TMTC2: variants seen among roughly 807,000 people sequenced by gnomAD.
TMTC2 encodes protein O-mannosyl-transferase TMTC2.
Under a neutral mutation model 82.4 loss-of-function variants are expected in TMTC2, and 43 were observed. The ratio of observed to expected loss-of-function variants is 0.52; its 90% confidence interval spans 0.41 to 0.67. The LOEUF is 0.67. TMTC2 is among the 30% of genes least tolerant of loss of function. The probability of loss-of-function intolerance (pLI) is 0.00; values close to 1 mark genes in which losing one functional copy is unlikely to be tolerated. For missense variants in TMTC2, 919 were observed against 1,012.4 expected (o/e 0.91, Z 1.25); for synonymous variants, 408 against 381.9 (o/e 1.07, Z -0.80).
intron 3 of TMTC2, among the ~76,000 whole-genome samples, chr12:82,899,276 A>G (rs904313177): frequency 1.3e-5 from 2 of 151,970 alleles, no homozygotes; most frequent in Admixed American, 6.6e-5. Flanking sequence ...AGGCTTTACC[A>G]TCTCAGTTGA....
At chr12:82,792,455 T>G (rs942983836) in intron 1 of TMTC2, among the ~76,000 whole-genome samples, 2 of 151,266 alleles carry the variant, frequency 1.3e-5, no homozygotes, top group Non-Finnish European at 2.9e-5. Flanking sequence ...TCAATGGTTT[T>G]TTGTTTGTTT....
At chr12:82,728,830 A>G (rs962620936) in intron 1 of TMTC2, among the ~76,000 whole-genome samples, 1 of 152,202 alleles carries the variant, frequency 6.6e-6, no homozygotes, top group African/African-American at 2.4e-5. Context: ...CGCGAGTTCC[A>G]GGTGGGCATG....
chr12:82,861,562 G>A (rs924378582), intron 2 of TMTC2, among the ~76,000 whole-genome samples: 10 of 152,158 alleles, frequency 6.6e-5, no homozygotes, highest in Non-Finnish European at 1.0e-4. Context: ...GAAATAGTAA[G>A]TTCTTGGCAT....
intron 3 of TMTC2, among the ~76,000 whole-genome samples, chr12:82,917,585 C>CTTTTA (rs1177175765): frequency 1.1e-4 from 17 of 151,584 alleles, no homozygotes; most frequent in African/African-American, 3.9e-4. Context: ...TTAAAATTGG[C>CTTTTA]TTTTATTTTA....
At chr12:82,963,832 T>TATATATATTTCTCAC (rs1878058938) in intron 4 of TMTC2, among the ~76,000 whole-genome samples, 1 of 100,298 alleles carries the variant, frequency 1.0e-5, no homozygotes, top group African/African-American at 5.7e-5. Context: ...TATATATATA[T>TATATATATTTCTCAC]ATATATATAT....
At chr12:82,966,011 T>C (rs1432522179) in intron 6 of TMTC2, 11 of 465,350 alleles carry the variant, frequency 2.4e-5, no homozygotes, top group East Asian at 9.5e-5. Context: ...TGTCAATATG[T>C]ATTGTGACTA....
chr12:82,693,641 T>C (rs1385552051), intron 1 of TMTC2, among the ~76,000 whole-genome samples: 2 of 152,186 alleles, frequency 1.3e-5, no homozygotes, highest in East Asian at 3.9e-4. Context: ...TTTCCAGTTA[T>C]ATTTGTCAGT....
intron 7 of TMTC2, 40 bp downstream of exon 7, chr12:82,967,037 G>T (rs778181135): frequency 1.4e-6 from 2 of 1,481,130 alleles, no homozygotes; most frequent in South Asian, 1.2e-5. Flanking sequence ...ATATTTCAGG[G>T]ACCTGTGGAG....
chr12:82,994,183 G>T (rs1251424687), intron 8 of TMTC2, among the ~76,000 whole-genome samples: 1 of 152,034 alleles, frequency 6.6e-6, no homozygotes, highest in Non-Finnish European at 1.5e-5. Context: ...TGAGACAGGG[G>T]TCTCGCTGTA....
chr12:83,030,970 A>T, intron 9 of TMTC2, 91 bp downstream of exon 9: 1 of 948,328 alleles, frequency 1.1e-6, no homozygotes, highest in Non-Finnish European at 1.7e-6. Flanking sequence ...GAACATTTTA[A>T]GAGGAGATGG....
chr12:83,054,990 G>A (rs184663431), intron 10 of TMTC2, among the ~76,000 whole-genome samples: 1 of 152,134 alleles, frequency 6.6e-6, no homozygotes, highest in East Asian at 1.9e-4. Flanking sequence ...CTCTACCAGT[G>A]GGGTTGGGAG....
At chr12:82,693,062 A>G (rs1282022562) in intron 1 of TMTC2, among the ~76,000 whole-genome samples, 1 of 152,156 alleles carries the variant, frequency 6.6e-6, no homozygotes, top group Non-Finnish European at 1.5e-5. Flanking sequence ...AGCACTGCTT[A>G]CCTTGTTAAC....
At chr12:82,824,620 C>CA (rs1869303579) in intron 1 of TMTC2, among the ~76,000 whole-genome samples, 1 of 152,086 alleles carries the variant, frequency 6.6e-6, no homozygotes, top group South Asian at 2.1e-4. Context: ...ATGCCTGTAA[C>CA]ATTTAGTAAA....
intron 11 of TMTC2, among the ~76,000 whole-genome samples, chr12:83,064,097 A>G (rs921090089): frequency 2.0e-5 from 3 of 151,760 alleles, no homozygotes; most frequent in Admixed American, 1.3e-4. Flanking sequence ...GTTAAATGCA[A>G]TTGTTTTTTG....
intron 10 of TMTC2, among the ~76,000 whole-genome samples, chr12:83,058,586 A>G (rs1017916834): frequency 6.6e-6 from 1 of 151,804 alleles, no homozygotes; most frequent in Admixed American, 6.6e-5. Context: ...TAAATATTTA[A>G]TGCTCCAGAT....
intron 11 of TMTC2, among the ~76,000 whole-genome samples, chr12:83,116,620 T>G (rs1251187390): frequency 6.6e-6 from 1 of 152,220 alleles, no homozygotes; most frequent in African/African-American, 2.4e-5. Flanking sequence ...TTTTTGACTA[T>G]GGCCATTCTT....
At chr12:83,056,856 C>G (rs1882563064) in intron 10 of TMTC2, among the ~76,000 whole-genome samples, 1 of 151,924 alleles carries the variant, frequency 6.6e-6, no homozygotes, top group Non-Finnish European at 1.5e-5. Flanking sequence ...TCTTTCAACC[C>G]TGTGCCTTTC....
intron 2 of TMTC2, among the ~76,000 whole-genome samples, chr12:82,869,945 C>A (rs1703104): frequency 0.047 from 7,183 of 152,150 alleles, 559 homozygotes; most frequent in African/African-American, 0.16. Context: ...ACGGTATATT[C>A]TAGCCTCTCC....
intron 3 of TMTC2, among the ~76,000 whole-genome samples, chr12:82,910,584 G>T (rs1023870119): frequency 1.3e-5 from 2 of 152,236 alleles, no homozygotes; most frequent in African/African-American, 4.8e-5. Flanking sequence ...TGTATCAGAA[G>T]AATCGGATTA....
Sources: allele counts gnomAD v4.1 joint callset (sites outside exome capture counted in the v4.1 genomes callset), GRCh38; gene constraint gnomAD v4.1.1; transcripts MANE v1.5; gene names NCBI Gene and HGNC (gene_info 2026-07-23, HGNC 2026-07-21).